Variants in LRCH1 observed in about 807,000 individuals in gnomAD.
The protein encoded by LRCH1 is leucine-rich repeat and calponin homology domain-containing protein 1.
A neutral mutation model predicts 94.9 loss-of-function variants in LRCH1; 23 were observed. The ratio of observed to expected loss-of-function variants is 0.24; its 90% CI spans 0.17 to 0.34. The LOEUF (loss-of-function observed/expected upper bound fraction) is 0.34, where lower values mean the gene tolerates loss of function less well. Ranked by LOEUF, LRCH1 falls within the 10% of genes least tolerant of loss-of-function variation. LRCH1 has a pLI of 1.00. For synonymous variants in LRCH1, 364 were observed against 354.9 expected, an observed-to-expected ratio of 1.03 and a Z score of -0.29; for missense variants, 790 against 945.9, an observed-to-expected ratio of 0.84 and a Z score of 2.16.
intron 4 of LRCH1, 82 bp downstream of exon 4, chr13:46,681,928 G>T: frequency 1.4e-6 from 1 of 705,324 alleles, no homozygotes; most frequent in East Asian, 3.1e-5. Context: ...TGTGAAGAGG[G>T]TCGATCTTTG....
At chr13:46,650,748 A>G (rs2051284774) in intron 2 of LRCH1, among the ~76,000 whole-genome samples, 1 of 148,910 alleles carries the variant, frequency 6.7e-6, no homozygotes, top group African/African-American at 2.5e-5. Context: ...AAAAAGAGAA[A>G]GCCTGGGTGA....
chr13:46,593,924 G>A (rs79958017), intron 1 of LRCH1, among the ~76,000 whole-genome samples: 1 of 152,200 alleles, frequency 6.6e-6, no homozygotes, highest in East Asian at 1.9e-4. Context: ...CCTTTTATCA[G>A]GTATCATTTC....
intron 1 of LRCH1, among the ~76,000 whole-genome samples, chr13:46,613,398 A>G (rs1218437901): frequency 1.4e-5 from 2 of 143,434 alleles, no homozygotes; most frequent in South Asian, 2.2e-4. Flanking sequence ...AAAAAAAAAA[A>G]GAAAAAAAGA....
At chr13:46,686,418 C>G (rs1453587096) in intron 5 of LRCH1, among the ~76,000 whole-genome samples, 1 of 152,128 alleles carries the variant, frequency 6.6e-6, no homozygotes, top group African/African-American at 2.4e-5. Context: ...GGGCAGGACC[C>G]TCTTTGCGAT....
chr13:46,641,868 G>A (rs551945348), intron 1 of LRCH1, among the ~76,000 whole-genome samples: 4 of 152,174 alleles, frequency 2.6e-5, no homozygotes, highest in African/African-American at 4.8e-5. Flanking sequence ...CTTTATTTTA[G>A]GGATTTGGAA....
chr13:46,616,181 A>G (rs572228073), intron 1 of LRCH1, among the ~76,000 whole-genome samples: 123 of 152,330 alleles, frequency 8.1e-4, no homozygotes, highest in Non-Finnish European at 1.5e-3. Flanking sequence ...AATTGGAACA[A>G]TACAAGACCT....
At chr13:46,725,426 T>G (rs1224892629) in intron 17 of LRCH1, among the ~76,000 whole-genome samples, 2 of 152,248 alleles carry the variant, frequency 1.3e-5, no homozygotes, top group African/African-American at 2.4e-5. Flanking sequence ...TCAGCACATG[T>G]GTATTGACTG....
At chr13:46,736,981 A>T (rs754040066) in intron 19 of LRCH1, among the ~76,000 whole-genome samples, 8 of 152,238 alleles carry the variant, frequency 5.3e-5, no homozygotes, top group Non-Finnish European at 1.0e-4. Flanking sequence ...TACAGTAGCT[A>T]AGCAGATTTA....
At chr13:46,750,725 C>T in exon 19 of LRCH1, 7 of 990,156 alleles carry the variant, frequency 7.1e-6, no homozygotes, top group Non-Finnish European at 1.1e-5. Flanking sequence ...GGCACCTGTT[C>T]AACCCTCTCT....
chr13:46,730,488 C>T (rs1259829716), intron 18 of LRCH1, among the ~76,000 whole-genome samples: 1 of 152,138 alleles, frequency 6.6e-6, no homozygotes, highest in Non-Finnish European at 1.5e-5. Flanking sequence ...CATGATTTGT[C>T]CTACTTTCTT....
chr13:46,715,412 T>A (rs1451315503), intron 15 of LRCH1, 148 bp from the exon 16 acceptor site: 1 of 621,470 alleles, frequency 1.6e-6, no homozygotes, highest in Non-Finnish European at 2.9e-6. Flanking sequence ...TCTCCTATAT[T>A]GTGCATTTGA....
At position 46,705,160 on chromosome 13, in the gene LRCH1, A is replaced by G; in HGVS notation, c.1490+3A>G. ...GAATTACAAGATTCTGCACTGAAGT[A>G]TGCTTGCCTTTTATAACAAATTATG... On this transcript the variant is annotated splice_donor_region_variant and intron_variant, in intron 12 of 19. Transcript: ENST00000389797. The G allele has an allele frequency of 1.2e-6, 2 of 1,604,330 alleles. No individual in the cohort carries two copies. Among genetic ancestry groups the G allele is most frequent in the Admixed American group, 3.4e-5 (2 of 58,900 alleles).
At chr13:46,558,854 A>T (rs2050098969) in intron 1 of LRCH1, among the ~76,000 whole-genome samples, 1 of 152,200 alleles carries the variant, frequency 6.6e-6, no homozygotes, top group African/African-American at 2.4e-5. Context: ...CTTATAATGG[A>T]GTAAAGGCTA....
intron 5 of LRCH1, among the ~76,000 whole-genome samples, chr13:46,686,952 A>ATTTTTTTTT (rs71077916): frequency 2.5e-4 from 21 of 85,442 alleles, no homozygotes; most frequent in Non-Finnish European, 3.0e-4. Context: ...GAGTATATTG[A>ATTTTTTTTT]TTTTTTTTTT....
At chr13:46,568,576 T>C (rs1420262950) in intron 1 of LRCH1, among the ~76,000 whole-genome samples, 1 of 152,234 alleles carries the variant, frequency 6.6e-6, no homozygotes, top group Non-Finnish European at 1.5e-5. Flanking sequence ...AGACATTTGT[T>C]GTTTATTTTA....
intron 2 of LRCH1, among the ~76,000 whole-genome samples, chr13:46,653,663 GA>G (rs139829318): frequency 4.1e-5 from 6 of 147,988 alleles, no homozygotes; most frequent in East Asian, 2.0e-4. Context: ...TGTCTCTACT[GA>G]AAAAAAAAAT....
chr13:46,553,678 C>T lies in LRCH1; in HGVS notation c.282C>T (p.His94=), dbSNP rs45540131. 186,322 of 1,609,386 alleles carry T rather than the reference C, an allele frequency of 0.12. 11,502 individuals carry two copies. Among genetic ancestry groups the T allele is most frequent in the African/African-American group, 0.19 (14,351 of 74,890 alleles). ...TTCCCCGTACCGCAGCCCCCGGGCA[C>T]GACCTCTCGGACACGGTGCAGGCAG... ...KEFPRTAAPG[H]DLSDTVQADL... The change falls in exon 1 of 20, where the codon CAC becomes CAT. Residue 94 remains histidine, a synonymous_variant. Transcript: ENST00000389797.
chr13:46,738,637 G>T (rs1016050822), intron 19 of LRCH1, among the ~76,000 whole-genome samples: 7 of 152,156 alleles, frequency 4.6e-5, no homozygotes, highest in Non-Finnish European at 7.4e-5. Flanking sequence ...CCAAGTCAAT[G>T]ACTTTAGTGT....
intron 13 of LRCH1, among the ~76,000 whole-genome samples, chr13:46,707,909 G>A (rs1871852460): frequency 6.6e-6 from 1 of 152,176 alleles, no homozygotes; most frequent in African/African-American, 2.4e-5. Context: ...CTAGGTAAAG[G>A]TATAAGTGAA....
Sources: gnomAD v4.1 joint callset for allele counts (sites outside exome capture counted in the v4.1 genomes callset) on GRCh38, gnomAD v4.1.1 for gene constraint, MANE v1.5 for transcripts, NCBI Gene and HGNC (gene_info 2026-07-23, HGNC 2026-07-21) for gene names.